Variants in MRPL19 observed in about 807,000 individuals in gnomAD.
MRPL19 encodes the protein mitochondrial ribosomal protein L19.
Under a neutral mutation model 34.0 loss-of-function variants are expected in MRPL19, and 31 were observed. That is an observed-to-expected ratio of 0.91 (90% CI 0.68 to 1.23). The LOEUF (loss-of-function observed/expected upper bound fraction) is 1.23, where lower values mean the gene tolerates loss of function less well. Ranked by LOEUF, MRPL19 falls within the 50% of genes most tolerant of loss-of-function variation. MRPL19 has a pLI of 0.00. For missense variants in MRPL19, 384 were observed against 367.6 expected (o/e 1.04, Z -0.37); for synonymous variants, 152 against 127.7 (o/e 1.19, Z -1.28).
In MRPL19 at chr2:75,659,052, C is replaced by T. The variant is rs557544907; in HGVS notation, c.*3767C>T. Among the ~76,000 whole-genome samples, 12 of 152,152 alleles carry T rather than the reference C, an allele frequency of 7.9e-5. No individual in the cohort carries two copies. The highest frequency in any genetic ancestry group is 4.6e-4 in the Admixed American group (7 of 15,282). On this transcript the variant is annotated 3_prime_UTR_variant, in exon 6 of 6. Coordinates refer to ENST00000393909, the MANE Select transcript of MRPL19 (RefSeq NM_014763.4). ...GGAAGGACTTTCTTCTACCATTTAA[C>T]ACTTCTTCTATATGTCATATACTTT...
At chr2:75,652,100 C>CT in intron 2 of MRPL19, 42 bp from the exon 3 acceptor site, 1 of 1,217,222 alleles carries the variant, frequency 8.2e-7, no homozygotes, top group Non-Finnish European at 1.1e-6. Flanking sequence ...TTCTAGCAGC[C>CT]TTTTGAGTTT....
intron 1 of MRPL19, 23 bp downstream of exon 1, chr2:75,646,933 G>A (rs747443445): frequency 1.1e-5 from 17 of 1,550,000 alleles, no homozygotes; most frequent in Non-Finnish European, 1.4e-5. Context: ...GGACTTGCGA[G>A]CTGGGGCGCG....
rs1553429979 is a variant in MRPL19, at chr2:75,654,749, C to T, written c.489C>T (p.Cys163=). 6.2e-7 allele frequency: 1 copy of T among 1,613,574 alleles called. No homozygotes were observed. Among genetic ancestry groups the T allele is most frequent in the South Asian group, 1.1e-5 (1 of 91,054 alleles). The part of the protein sequence containing the change: ...NVIEGQGVEI[C]FELYNPRVQE... ...TGTTCTATTTAGGTGTCGAGATTTGCTTTGAACTTTATAATCCTCGGGTCC... is the reference window on the plus strand; with the variant it reads ...TGTTCTATTTAGGTGTCGAGATTTGTTTTGAACTTTATAATCCTCGGGTCC... The change falls in exon 5 of 6, where the codon TGC becomes TGT. Residue 163 remains cysteine (C), a synonymous_variant. Transcript: ENST00000393909.
In MRPL19 at chr2:75,659,531, C is replaced by G. The variant is rs1020881489; in HGVS notation, c.*4246C>G. On this transcript the variant is annotated 3_prime_UTR_variant, in exon 6 of 6. Transcript: ENST00000393909. ...CCTTCCATTTCGGCCCAAAGGATTC[C>G]CTTATGCATTTCTTGCAGGGCAAGT... Among the ~76,000 whole-genome samples, 2 of 152,076 alleles carry G rather than the reference C, an allele frequency of 1.3e-5. No homozygotes were observed. Among genetic ancestry groups the G allele is most frequent in the African/African-American group, 4.8e-5 (2 of 41,418 alleles).
At chr2:75,650,487 T>C (rs1391525174) in intron 2 of MRPL19, among the ~76,000 whole-genome samples, 1 of 152,146 alleles carries the variant, frequency 6.6e-6, no homozygotes, top group Non-Finnish European at 1.5e-5. Flanking sequence ...GAAATTTAAG[T>C]AAATGAGAAT....
chr2:75,655,244 G>A lies in MRPL19; in HGVS notation c.838G>A (p.Ala280Thr). ...MREYDTSKIE[A>T]AIWKEIEASK... is the part of the protein sequence containing the mutation. ...GGAATATGATACTTCAAAAATTGAAGCTGCAATATGGAAGGAAATTGAAGC... is the reference window on the plus strand; with the variant it reads ...GGAATATGATACTTCAAAAATTGAAACTGCAATATGGAAGGAAATTGAAGC... Residue 280 changes from alanine to threonine, a missense_variant, in exon 6 of 6, where the codon GCT becomes ACT. Transcript: ENST00000393909. 1 of 1,613,224 alleles carries A rather than the reference G, an allele frequency of 6.2e-7. No individual in the cohort carries two copies. The highest frequency in any genetic ancestry group is 8.5e-7 in the Non-Finnish European group (1 of 1,179,644).
Position 75,647,095 on chromosome 2 carries a change from C to G in MRPL19, c.104-7C>G. ...AGAGTTCTGACCTCCGTCGTCCGCT[C>G]CCGCAGGGGTCCACGCGGGGCCTGT... On this transcript the variant is annotated splice_region_variant and splice_polypyrimidine_tract_variant and intron_variant, in intron 1 of 5. Coordinates refer to ENST00000393909, the MANE Select transcript of MRPL19 (RefSeq NM_014763.4). The G allele has an allele frequency of 6.3e-7, 1 of 1,578,240 alleles. No individual in the cohort carries two copies. Among genetic ancestry groups the G allele is most frequent in the Non-Finnish European group, 8.6e-7 (1 of 1,160,740 alleles).
chr2:75,647,881 A>G (rs1678256179), intron 2 of MRPL19, among the ~76,000 whole-genome samples: 1 of 151,870 alleles, frequency 6.6e-6, no homozygotes, highest in Non-Finnish European at 1.5e-5. Context: ...GGGATTTTTA[A>G]TTTTTTTATT....
At position 75,658,447 on chromosome 2, in the gene MRPL19, A is replaced by T. The variant is rs1278397335; in HGVS notation, c.*3162A>T. 6.6e-6 allele frequency among the ~76,000 whole-genome samples: 1 copy of T among 152,168 alleles called. No homozygotes were observed. Among genetic ancestry groups the T allele is most frequent in the Non-Finnish European group, 1.5e-5 (1 of 68,026 alleles). ...GTCTACCTTTTGGCTATTGTGAATAATGCTGCAGTAAACATTGACATAACA... is the reference window on the plus strand; with the variant it reads ...GTCTACCTTTTGGCTATTGTGAATATTGCTGCAGTAAACATTGACATAACA... On this transcript the variant is annotated 3_prime_UTR_variant, in exon 6 of 6. Transcript: ENST00000393909.
chr2:75,646,983 G>C, intron 1 of MRPL19, 73 bp downstream of exon 1: 2 of 1,488,532 alleles, frequency 1.3e-6, no homozygotes, highest in Non-Finnish European at 1.8e-6. Flanking sequence ...CGAACCTGGA[G>C]ATCAGAGGCA....
Position 75,662,126 on chromosome 2 carries a change from C to T in MRPL19, c.*6841C>T, listed in dbSNP as rs1678640637. On this transcript the variant is annotated 3_prime_UTR_variant, in exon 6 of 6. Coordinates refer to ENST00000393909, the MANE Select transcript of MRPL19 (RefSeq NM_014763.4). The stretch of plus-strand genomic sequence containing the variant: ...CGAGATGTGGATTTTCTCCTTTATT[C>T]TGTTCGTGAGTGATTACACTGGTTG... 6.6e-6 allele frequency: 1 copy of T among 152,112 alleles called. No homozygotes were observed. The allele number at this position is 152,112 out of a possible 1,614,324, so 9.4% of individuals were successfully genotyped here.
At chr2:75,648,595 C>A (rs760422650) in intron 2 of MRPL19, among the ~76,000 whole-genome samples, 3 of 151,896 alleles carry the variant, frequency 2.0e-5, no homozygotes, top group Admixed American at 6.6e-5. Context: ...TGCGGTGGCT[C>A]ACGACTGTTA....
At position 75,651,373 on chromosome 2, in the gene MRPL19, GC is replaced by G. The variant is rs747077691; in HGVS notation, c.222-768del. The G allele has an allele frequency of 7.7e-5, 41 of 534,114 alleles. No individual in the cohort carries two copies. The East Asian group carries it at 1.1e-3, about 15-fold the overall frequency. 33.1% of individuals were successfully genotyped at this position (534,114 alleles called of 1,614,324 possible). A position where few individuals can be genotyped will look rare whatever the true frequency, so the allele number is the denominator to read the frequency against. ...GGGCAGGTGACCAGTGAATGACACC[GC>G]ATATGTACCTGGCTTAAAGTTACTG... On this transcript the variant is annotated intron_variant, in intron 2 of 5. Transcript: ENST00000393909.
intron 4 of MRPL19, among the ~76,000 whole-genome samples, chr2:75,653,786 C>T (rs1678379572): frequency 6.6e-6 from 1 of 152,222 alleles, no homozygotes; most frequent in Non-Finnish European, 1.5e-5. Context: ...GAAAGCAGAA[C>T]TCTTTATTTC....
intron 5 of MRPL19, 36 bp downstream of exon 5, chr2:75,654,953 A>G: frequency 1.3e-6 from 2 of 1,562,146 alleles, no homozygotes; most frequent in Non-Finnish European, 1.7e-6. Flanking sequence ...AAGTTCAAGT[A>G]TAAAATAAGA....
At chr2:75,647,460 A>G in intron 2 of MRPL19, 2 of 476,320 alleles carry the variant, frequency 4.2e-6, no homozygotes, top group East Asian at 7.3e-5. Flanking sequence ...CATATTTTAA[A>G]CTCTTTTCTC....
Position 75,652,199 on chromosome 2 carries a change from A to G in MRPL19, c.279A>G (p.Gln93=), listed in dbSNP as rs749282831. The G allele has an allele frequency of 1.7e-5, 28 of 1,607,460 alleles. No individual in the cohort carries two copies. The highest frequency in any genetic ancestry group is 2.3e-5 in the Non-Finnish European group (27 of 1,176,466). ...GAAGAACAGATCCTCTGAAATTTCA[A>G]ATAGAAAGAAAAGATATGTTAGAAA... ...RRGRTDPLKF[Q]IERKDMLERR... is the part of the protein sequence containing the mutation. The change falls in exon 3 of 6, where the codon CAA becomes CAG. Residue 93 remains glutamine (Q), a synonymous_variant. Coordinates refer to ENST00000393909, the MANE Select transcript of MRPL19 (RefSeq NM_014763.4).
Position 75,647,491 on chromosome 2 carries a change from A to G in MRPL19, c.221+272A>G, listed in dbSNP as rs893381313. ...TTCTCTGTGGTATTTGTCCTGTACC[A>G]GAGTTTTTCTCTGAGGTATATCCTG... On this transcript the variant is annotated intron_variant, in intron 2 of 5. Coordinates refer to ENST00000393909, the MANE Select transcript of MRPL19 (RefSeq NM_014763.4). The G allele has an allele frequency of 2.2e-5, 9 of 418,272 alleles. No homozygotes were observed. The Admixed American group carries it at 3.3e-4, about 15-fold the overall frequency. 25.9% of individuals were successfully genotyped at this position (418,272 alleles called of 1,614,324 possible). A position where few individuals can be genotyped will look rare whatever the true frequency, so the allele number is the denominator to read the frequency against.
chr2:75,657,620 C>T lies in MRPL19; in HGVS notation c.*2335C>T, dbSNP rs1018261289. ...TCTTGTTAGAAGATAGCTATTAAAA[C>T]CTGTTCTTTTTCTGTCTTGATAAAC... On this transcript the variant is annotated 3_prime_UTR_variant, in exon 6 of 6. Coordinates refer to ENST00000393909, the MANE Select transcript of MRPL19 (RefSeq NM_014763.4). 6.6e-6 allele frequency: 1 copy of T among 152,008 alleles called. No homozygotes were observed. The highest frequency in any genetic ancestry group is 2.4e-5 in the African/African-American group (1 of 41,392). 9.4% of individuals were successfully genotyped at this position (152,008 alleles called of 1,614,324 possible).
Sources: allele counts gnomAD v4.1 joint callset (sites outside exome capture counted in the v4.1 genomes callset), GRCh38; gene constraint gnomAD v4.1.1; transcripts MANE v1.5; gene names NCBI Gene and HGNC (gene_info 2026-07-23, HGNC 2026-07-21).